IL1RAPL1: variants seen among roughly 807,000 people sequenced by gnomAD.
The protein encoded by IL1RAPL1 is interleukin-1 receptor accessory protein-like 1.
IL1RAPL1 carries 3 observed loss-of-function variants against 48.4 expected under a neutral mutation model. The ratio of observed to expected loss-of-function variants is 0.06; its 90% CI spans 0.03 to 0.16. The LOEUF is 0.16. Ranked by LOEUF, IL1RAPL1 falls within the 10% of genes least tolerant of loss-of-function variation. IL1RAPL1 has a pLI of 1.00. For synonymous variants in IL1RAPL1, 185 were observed against 187.7 expected, an observed-to-expected ratio of 0.99 and a Z score of 0.12; for missense variants, 349 against 530.6, an observed-to-expected ratio of 0.66 and a Z score of 3.36.
At chrX:29,889,648 A>G (rs1401669730) in intron 6 of IL1RAPL1, among the ~76,000 whole-genome samples, 1 of 111,665 alleles carries the variant, frequency 9.0e-6, no homozygotes, top group Non-Finnish European at 1.9e-5. Flanking sequence ...TGTATACTGT[A>G]TATGTGCGTA....
chrX:29,948,075 T>A (rs981074353), intron 9 of IL1RAPL1, among the ~76,000 whole-genome samples: 1 of 111,200 alleles, frequency 9.0e-6, no homozygotes, highest in African/African-American at 3.3e-5. Flanking sequence ...GGACCAGGCA[T>A]TTTGCTATAT....
rs183480538 is a variant in IL1RAPL1 at position 29,133,830 on chromosome X, C to T, written c.83-149108C>T. 2.5e-4 allele frequency among the ~76,000 whole-genome samples: 28 copies of T among 111,673 alleles called. 1 individual carries two copies. Among genetic ancestry groups the T allele is most frequent in the Admixed American group, 2.4e-3 (25 of 10,476 alleles). The stretch of plus-strand genomic sequence containing the variant: ...ATTGCCTTAAAAATTTCCTGTACTC[C>T]ACTTGTTTATCCCTCCTTCTCCCAA... On this transcript the variant is annotated intron_variant, in intron 2 of 10. Transcript: ENST00000378993.
intron 2 of IL1RAPL1, among the ~76,000 whole-genome samples, chrX:28,823,821 T>C (rs975925451): frequency 9.0e-6 from 1 of 111,523 alleles, no homozygotes; most frequent in Non-Finnish European, 1.9e-5. Flanking sequence ...TTGGGAACAC[T>C]GGAAGAATCC....
chrX:29,730,370 C>T (rs988287740), intron 6 of IL1RAPL1, among the ~76,000 whole-genome samples: 17 of 112,290 alleles, frequency 1.5e-4, no homozygotes, highest in African/African-American at 5.5e-4. Flanking sequence ...CTTGCTGTGT[C>T]TTCTCTTATT....
At chrX:29,913,592 T>C (rs1042394056) in intron 6 of IL1RAPL1, among the ~76,000 whole-genome samples, 19 of 111,105 alleles carry the variant, frequency 1.7e-4, no homozygotes, top group African/African-American at 6.3e-4. Context: ...GCTTTATCAC[T>C]TTAAGAAATT....
chrX:28,969,882 AAC>A (rs767286227), intron 2 of IL1RAPL1, among the ~76,000 whole-genome samples: 25 of 91,846 alleles, frequency 2.7e-4, no homozygotes, highest in Admixed American at 1.0e-3. Flanking sequence ...TATGTTTCTA[AAC>A]ACATATATAT....
intron 2 of IL1RAPL1, among the ~76,000 whole-genome samples, chrX:29,247,809 A>C (rs1328497015): frequency 4.5e-5 from 5 of 111,655 alleles, no homozygotes; most frequent in African/African-American, 1.6e-4. Context: ...AAATTAATTA[A>C]AGTGAAGGCA....
Position 29,730,783 on chromosome X carries a change from C to A in IL1RAPL1, c.778+62279C>A, listed in dbSNP as rs980950429. On this transcript the variant is annotated intron_variant, in intron 6 of 10. Coordinates refer to ENST00000378993, the MANE Select transcript of IL1RAPL1 (RefSeq NM_014271.4). ...CCTTTGGGATCTTCTCATCTAATTGCCTCATTTTTCTATTAGGAGATTGGT... is the reference window on the plus strand; with the variant it reads ...CCTTTGGGATCTTCTCATCTAATTGACTCATTTTTCTATTAGGAGATTGGT... Among the ~76,000 whole-genome samples, 7 of 111,626 alleles carry A rather than the reference C, an allele frequency of 6.3e-5. No homozygotes were observed. The East Asian group carries it at 1.4e-3, about 22-fold the overall frequency.
At chrX:28,699,536 C>G (rs1419993830) in intron 1 of IL1RAPL1, among the ~76,000 whole-genome samples, 1 of 112,423 alleles carries the variant, frequency 8.9e-6, no homozygotes, top group Admixed American at 9.4e-5. Context: ...CAGGCAGACC[C>G]TTCAGCCAGA....
intron 6 of IL1RAPL1, among the ~76,000 whole-genome samples, chrX:29,769,685 C>T (rs1287296678): frequency 3.2e-5 from 3 of 94,760 alleles, no homozygotes; most frequent in South Asian, 1.1e-3. Flanking sequence ...GGCGTGATCT[C>T]GGCTCACTGC....
chrX:29,538,338 C>CTTTTTTT (rs397896582), intron 5 of IL1RAPL1, among the ~76,000 whole-genome samples: 16 of 83,613 alleles, frequency 1.9e-4, no homozygotes, highest in South Asian at 6.3e-4. Flanking sequence ...CTTTTCTTTT[C>CTTTTTTT]TTTTTTTTTT....
At chrX:29,442,549 T>A (rs1934559644) in intron 5 of IL1RAPL1, among the ~76,000 whole-genome samples, 1 of 112,139 alleles carries the variant, frequency 8.9e-6, no homozygotes, top group African/African-American at 3.2e-5. Context: ...TGCTTTTACT[T>A]AATTTAAAAC....
intron 2 of IL1RAPL1, among the ~76,000 whole-genome samples, chrX:28,853,746 A>T (rs1921733128): frequency 1.8e-5 from 2 of 112,009 alleles, no homozygotes; most frequent in South Asian, 7.3e-4. Flanking sequence ...CTACAGATAT[A>T]TAGATCATTA....
intron 6 of IL1RAPL1, among the ~76,000 whole-genome samples, chrX:29,852,102 G>A (rs1350953437): frequency 8.9e-6 from 1 of 112,635 alleles, no homozygotes; most frequent in Non-Finnish European, 1.9e-5. Context: ...AAATGAATCT[G>A]CTCACTTAAG....
At chrX:29,076,782 G>C (rs4893603) in intron 2 of IL1RAPL1, among the ~76,000 whole-genome samples, 18 of 90,256 alleles carry the variant, frequency 2.0e-4, no homozygotes, top group Non-Finnish European at 1.1e-4. Context: ...CTATCTATCT[G>C]TCTGTCTGTC....
chrX:28,874,345 C>G (rs1012117459), intron 2 of IL1RAPL1, among the ~76,000 whole-genome samples: 3 of 112,024 alleles, frequency 2.7e-5, no homozygotes, highest in African/African-American at 9.7e-5. Context: ...TATTCACATA[C>G]TACTGGTATT....
At chrX:28,606,652 T>C (rs116210782) in intron 1 of IL1RAPL1, among the ~76,000 whole-genome samples, 21 of 112,077 alleles carry the variant, frequency 1.9e-4, no homozygotes, top group Non-Finnish European at 3.4e-4. Context: ...TAAGGATAAT[T>C]TTAAAAATAT....
chrX:28,760,245 A>G (rs1936153072), intron 1 of IL1RAPL1, among the ~76,000 whole-genome samples: 1 of 111,677 alleles, frequency 9.0e-6, no homozygotes, highest in African/African-American at 3.3e-5. Flanking sequence ...TGTGTCAGAA[A>G]TGATTAATAA....
intron 3 of IL1RAPL1, among the ~76,000 whole-genome samples, chrX:29,328,642 TAGAGAGAGAGAGAGAGAG>T (rs372684157): frequency 9.6e-6 from 1 of 103,998 alleles, no homozygotes; most frequent in African/African-American, 3.5e-5. Flanking sequence ...TATATATATA[TAGAGAGAGAGAGAGAGAG>T]AGAGAGACAG....
Sources: gnomAD v4.1 joint callset for allele counts (sites outside exome capture counted in the v4.1 genomes callset) on GRCh38, gnomAD v4.1.1 for gene constraint, MANE v1.5 for transcripts, NCBI Gene and HGNC (gene_info 2026-07-23, HGNC 2026-07-21) for gene names.